MTHFS: variants seen among roughly 807,000 people sequenced by gnomAD.
The protein encoded by MTHFS is 5-formyltetrahydrofolate cyclo-ligase.
In MTHFS, 7 loss-of-function variants were observed where a neutral mutation model predicts 12.7. The observed-to-expected ratio is 0.55, with a 90% CI of 0.31 to 1.03. The LOEUF is 1.03. Among genes scored for constraint, MTHFS ranks in the 50% least tolerant of loss-of-function variants. The probability of loss-of-function intolerance (pLI) is 0.05; values close to 1 mark genes in which losing one functional copy is unlikely to be tolerated. For synonymous variants in MTHFS, 100 were observed against 97.1 expected, an observed-to-expected ratio of 1.03 and a Z score of -0.18; for missense variants, 252 against 258.1, an observed-to-expected ratio of 0.98 and a Z score of 0.16.
intron 2 of MTHFS, among the ~76,000 whole-genome samples, chr15:79,863,019 C>T (rs191411969): frequency 9.8e-5 from 15 of 152,300 alleles, no homozygotes; most frequent in Admixed American, 5.2e-4. Context: ...CCACCTCAAA[C>T]GGGATTCACT....
chr15:79,896,921 G>T lies in MTHFS; in HGVS notation c.68C>A (p.Ala23Glu). The T allele has an allele frequency of 6.5e-7, 1 of 1,541,880 alleles. No individual in the cohort carries two copies. Residue 23 changes from alanine (A) to glutamate (E), a missense_variant, in exon 1 of 3, where the codon GCG becomes GAG. Physicochemically the swap from Ala to Glu is moderately radical, Grantham distance 107 (BLOSUM62 -1). Transcript: ENST00000258874. ...GCGTAGCCGCTCCTCGGCACTCATC[G>T]CCCGCAGACGCTGCTTCAGCTCTCC... Reference protein sequence around the residue: ...LRGELKQRLRAMSAEERLRQS... With the variant: ...LRGELKQRLREMSAEERLRQS...
rs8033649 is a variant in MTHFS at position 79,843,946 on chromosome 15, C to A, written c.*1264G>T. On this transcript the variant is annotated 3_prime_UTR_variant, in exon 3 of 3. Coordinates refer to ENST00000258874, the MANE Select transcript of MTHFS (RefSeq NM_006441.4). ...GGAAAACAGTCTTCTAGATGAACAA[C>A]AGAAAGAGCATTTCAGACAGAGAGA... 7,945 of 152,290 alleles carry A rather than the reference C, an allele frequency of 0.052. 634 individuals carry two copies. Among genetic ancestry groups the A allele is most frequent in the African/African-American group, 0.18 (7,322 of 41,526 alleles). 9.4% of individuals were successfully genotyped at this position (152,290 alleles called of 1,614,324 possible). A position where few individuals can be genotyped will look rare whatever the true frequency, so the allele number is the denominator to read the frequency against.
intron 1 of MTHFS, among the ~76,000 whole-genome samples, chr15:79,891,470 G>A (rs1469275871): frequency 6.6e-6 from 1 of 152,160 alleles, no homozygotes; most frequent in African/African-American, 2.4e-5. Context: ...AGACTGCTAT[G>A]GGGAGGAAGC....
At chr15:79,877,816 C>A (rs1210110714) in intron 2 of MTHFS, 1 of 151,950 alleles carries the variant, frequency 6.6e-6, no homozygotes, top group Non-Finnish European at 1.5e-5. Context: ...GACTTCTCAT[C>A]AGAAACAATG....
chr15:79,896,720 G>T, intron 1 of MTHFS, 152 bp downstream of exon 1: 1 of 938,980 alleles, frequency 1.1e-6, no homozygotes, highest in Non-Finnish European at 1.4e-6. Context: ...TAGGGGGCGT[G>T]CGCGCGCCGG....
chr15:79,849,463 G>C (rs1169280952), intron 2 of MTHFS, among the ~76,000 whole-genome samples: 1 of 152,122 alleles, frequency 6.6e-6, no homozygotes, highest in Non-Finnish European at 1.5e-5. Context: ...AAAGGTGACA[G>C]CTCAGTGGGG....
chr15:79,856,780 AAAAG>A (rs139372972), intron 2 of MTHFS, among the ~76,000 whole-genome samples: 3,048 of 152,182 alleles, frequency 0.02, 87 homozygotes, highest in African/African-American at 0.069. Context: ...CCACAACAAA[AAAAG>A]AAAGAAAGAA....
intron 2 of MTHFS, among the ~76,000 whole-genome samples, chr15:79,846,312 A>T (rs1463295203): frequency 6.6e-6 from 1 of 152,202 alleles, no homozygotes; most frequent in Non-Finnish European, 1.5e-5. Flanking sequence ...TGTCAAACCC[A>T]GTAGTCTGCC....
At chr15:79,862,050 A>G (rs935712691) in intron 2 of MTHFS, among the ~76,000 whole-genome samples, 12 of 152,038 alleles carry the variant, frequency 7.9e-5, no homozygotes, top group African/African-American at 2.9e-4. Flanking sequence ...GAATGAATGA[A>G]TTGTTGCTCT....
chr15:79,886,802 T>A (rs1308109220), intron 2 of MTHFS, among the ~76,000 whole-genome samples: 4 of 152,144 alleles, frequency 2.6e-5, no homozygotes, highest in African/African-American at 9.7e-5. Context: ...AGTAGATGGG[T>A]GAAAATATCT....
Position 79,889,417 on chromosome 15 carries a change from T to C in MTHFS, c.118-63A>G, listed in dbSNP as rs1390479359. On this transcript the variant is annotated intron_variant, in intron 1 of 2. Coordinates refer to ENST00000258874, the MANE Select transcript of MTHFS (RefSeq NM_006441.4). ...TATATTTAGCAACTCCTCTTAACAA[T>C]TCCTCCTTTCTCTCTCAGCCTTCTC... 34 of 1,466,134 alleles carry C rather than the reference T, an allele frequency of 2.3e-5. 3 individuals are homozygous for C. The South Asian group carries it at 4.2e-4, about 18-fold the overall frequency. The allele number at this position is 1,466,134 out of a possible 1,614,324, so 90.8% of individuals were successfully genotyped here. A position where few individuals can be genotyped will look rare whatever the true frequency, so the allele number is the denominator to read the frequency against.
rs141652448 is a variant in MTHFS, at chr15:79,845,325, A to T, written c.497T>A (p.Val166Glu). The stretch of plus-strand genomic sequence containing the variant: ...AGCCAACGCCAGGGTGTAGGGCTTC[A>T]CTTCCTGATGCTGCAAACAGCGCTT... ...YLKRCLQHQE[V>E]KPYTLALAFK... The change falls in exon 3 of 3, where the codon GTG (valine) becomes GAG (glutamate). Residue 166 changes from valine to glutamate, a missense_variant. Val to Glu is a moderately radical substitution (Grantham distance 121). Transcript: ENST00000258874. 25 of 1,614,126 alleles carry T rather than the reference A, an allele frequency of 1.5e-5. No homozygotes were observed. The highest frequency in any genetic ancestry group is 2.1e-5 in the Non-Finnish European group (25 of 1,180,024).
At chr15:79,851,919 C>T (rs542792843) in intron 2 of MTHFS, among the ~76,000 whole-genome samples, 1 of 152,262 alleles carries the variant, frequency 6.6e-6, no homozygotes, top group East Asian at 1.9e-4. Flanking sequence ...GGTCTGAATC[C>T]AGCACTACCA....
At chr15:79,878,583 C>T (rs979567959) in intron 2 of MTHFS, among the ~76,000 whole-genome samples, 1 of 150,114 alleles carries the variant, frequency 6.7e-6, no homozygotes, top group African/African-American at 2.5e-5. Flanking sequence ...TATCTCAGGC[C>T]TGCTCAGTTG....
Position 79,850,209 on chromosome 15 carries a change from C to T in MTHFS, c.380-4767G>A, listed in dbSNP as rs564815687. The stretch of plus-strand genomic sequence containing the variant: ...AAATCTCAGGCACTATTTCTTGAAC[C>T]AGGTAGCAGGGAAAGGGGTATAGTT... On this transcript the variant is annotated intron_variant, in intron 2 of 2. Transcript: ENST00000258874. 1.7e-4 allele frequency among the ~76,000 whole-genome samples: 26 copies of T among 152,254 alleles called. No individual in the cohort carries two copies. In the South Asian group the frequency reaches 3.5e-3, roughly 21 times the overall value.
chr15:79,889,359 A>G lies in MTHFS; in HGVS notation c.118-5T>C, dbSNP rs765934428. 7.5e-6 allele frequency: 12 copies of G among 1,601,916 alleles called. No individual in the cohort carries two copies. Among genetic ancestry groups the G allele is most frequent in the South Asian group, 6.6e-5 (6 of 90,792 alleles). On this transcript the variant is annotated splice_region_variant and splice_polypyrimidine_tract_variant and intron_variant, in intron 1 of 2. Transcript: ENST00000258874. ...ATACTCACTGTGGGCAATCACCTAA[A>G]TGGGAAATTATGGCAATTATATTTT...
At chr15:79,857,798 C>T (rs2033836996) in intron 2 of MTHFS, among the ~76,000 whole-genome samples, 1 of 151,700 alleles carries the variant, frequency 6.6e-6, no homozygotes, top group Admixed American at 6.6e-5. Context: ...AGACAGATCA[C>T]GAGGTCAGGA....
chr15:79,857,013 G>A (rs1364926935), intron 2 of MTHFS, among the ~76,000 whole-genome samples: 2 of 109,032 alleles, frequency 1.8e-5, no homozygotes, highest in East Asian at 5.3e-4. Flanking sequence ...TTTTTTTTTT[G>A]AGACAGAGTT....
chr15:79,850,597 T>C (rs2033697644), intron 2 of MTHFS, among the ~76,000 whole-genome samples: 1 of 152,148 alleles, frequency 6.6e-6, no homozygotes, highest in Non-Finnish European at 1.5e-5. Context: ...ACCCCCATCA[T>C]AGAACATAAG....
Sources: allele counts gnomAD v4.1 joint callset (sites outside exome capture counted in the v4.1 genomes callset), GRCh38; gene constraint gnomAD v4.1.1; transcripts MANE v1.5; gene names NCBI Gene and HGNC (gene_info 2026-07-23, HGNC 2026-07-21).